The following MAP4K1 variants were observed in gnomAD, a reference collection of about 807,000 sequenced individuals.
MAP4K1 encodes MAPK/ERK kinase kinase kinase 1.
A neutral mutation model predicts 122.8 loss-of-function variants in MAP4K1; 35 were observed. The ratio of observed to expected loss-of-function variants is 0.29; its 90% CI spans 0.22 to 0.38. The LOEUF (loss-of-function observed/expected upper bound fraction) is 0.38, where lower values mean the gene tolerates loss of function less well. MAP4K1 is among the 10% of genes least tolerant of loss of function. The pLI is 1.00. For synonymous variants in MAP4K1, 412 were observed against 421.3 expected (o/e 0.98, Z 0.27); for missense variants, 791 against 1,072.6 (o/e 0.74, Z 3.67).
chr19:38,589,828 C>T (rs1974651437), intron 30 of MAP4K1, among the ~76,000 whole-genome samples: 1 of 152,100 alleles, frequency 6.6e-6, no homozygotes, highest in South Asian at 2.1e-4. Context: ...CCAGGAGTTC[C>T]AGACCAGGCT....
At chr19:38,599,518 C>G (rs986708476) in intron 22 of MAP4K1, among the ~76,000 whole-genome samples, 5 of 151,800 alleles carry the variant, frequency 3.3e-5, no homozygotes, top group African/African-American at 1.2e-4. Context: ...AAAATTTAGC[C>G]AGGTGTGGTG....
chr19:38,606,245 G>A (rs1289337571), intron 16 of MAP4K1, 30 bp from the exon 17 acceptor site: 2 of 1,251,162 alleles, frequency 1.6e-6, no homozygotes, highest in East Asian at 4.8e-5. Flanking sequence ...TAAATAGCTG[G>A]GGGGCTGGGG....
At position 38,605,636 on chromosome 19, in the gene MAP4K1, G is replaced by A; in HGVS notation, c.1295C>T (p.Pro432Leu). The stretch of plus-strand genomic sequence containing the variant: ...CCCAGGACGGGGGCTGTTTGGTGGG[G>A]GCCCACTGGCACACCGGACCAGCAC... ...PGVLVRCASG[P>L]PPNSPRPGPP... The change falls in exon 18 of 31, where the codon CCC becomes CTC. Residue 432 changes from proline to leucine, a missense_variant. Physicochemically the swap from Pro to Leu is moderately conservative, Grantham distance 98. Coordinates refer to ENST00000396857, the MANE Select transcript of MAP4K1 (RefSeq NM_001042600.3). 1 of 1,595,388 alleles carries A rather than the reference G, an allele frequency of 6.3e-7. No homozygotes were observed. The highest frequency in any genetic ancestry group is 8.5e-7 in the Non-Finnish European group (1 of 1,172,822).
intron 30 of MAP4K1, among the ~76,000 whole-genome samples, chr19:38,588,340 G>T (rs1021936177): frequency 2.6e-5 from 4 of 152,130 alleles, no homozygotes; most frequent in African/African-American, 7.2e-5. Context: ...AAAGGACACA[G>T]GGGCTACTTA....
At chr19:38,595,288 T>TTAAA (rs1052404172) in intron 29 of MAP4K1, among the ~76,000 whole-genome samples, 197 bp downstream of exon 29, 14 of 152,094 alleles carry the variant, frequency 9.2e-5, no homozygotes, top group Non-Finnish European at 1.3e-4. Flanking sequence ...AAACTCCGTC[T>TTAAA]TAAATAAATA....
intron 17 of MAP4K1, among the ~76,000 whole-genome samples, 181 bp from the exon 18 acceptor site, chr19:38,605,911 A>C (rs1017718855): frequency 6.7e-6 from 1 of 148,154 alleles, no homozygotes; most frequent in African/African-American, 2.5e-5. Flanking sequence ...ACATCAACAC[A>C]CTTCAGAAAC....
In MAP4K1 at chr19:38,614,299, A is replaced by G; in HGVS notation, c.370-7T>C. 6.2e-7 allele frequency: 1 copy of G among 1,613,692 alleles called. No homozygotes were observed. Among genetic ancestry groups the G allele is most frequent in the Non-Finnish European group, 8.5e-7 (1 of 1,179,926 alleles). ...AGTGCAAATAGGCCAGTCCCTGGGGAGAAGGGTGGACAAGGGGACAGTGAG... is the reference window on the plus strand; with the variant it reads ...AGTGCAAATAGGCCAGTCCCTGGGGGGAAGGGTGGACAAGGGGACAGTGAG... On this transcript the variant is annotated splice_polypyrimidine_tract_variant and splice_region_variant and intron_variant, in intron 5 of 30. Coordinates refer to ENST00000396857, the MANE Select transcript of MAP4K1 (RefSeq NM_001042600.3).
intron 20 of MAP4K1, 36 bp from the exon 21 acceptor site, chr19:38,600,189 A>G (rs1200040639): frequency 1.3e-6 from 2 of 1,584,258 alleles, no homozygotes; most frequent in Non-Finnish European, 1.7e-6. Context: ...GACCGACTTC[A>G]TCCTCAGGGA....
At position 38,606,094 on chromosome 19, in the gene MAP4K1, C is replaced by T. The variant is rs542438791; in HGVS notation, c.1200+79G>A. 7 of 1,154,010 alleles carry T rather than the reference C, an allele frequency of 6.1e-6. No individual in the cohort carries two copies. The East Asian group carries it at 1.2e-4, about 20-fold the overall frequency. 71.5% of individuals were successfully genotyped at this position (1,154,010 alleles called of 1,614,324 possible). A position where few individuals can be genotyped will look rare whatever the true frequency, so the allele number is the denominator to read the frequency against. On this transcript the variant is annotated intron_variant, in intron 17 of 30. Transcript: ENST00000396857. The stretch of plus-strand genomic sequence containing the variant: ...TTCCCTGCCCTGGAGAGCCCAGTAT[C>T]CCAGCATCTAAGGACCTGGCCTCCT...
At chr19:38,608,752 A>G (rs1410766144) in intron 13 of MAP4K1, among the ~76,000 whole-genome samples, 4 of 143,544 alleles carry the variant, frequency 2.8e-5, no homozygotes, top group Non-Finnish European at 6.0e-5. Flanking sequence ...GTGAGCCAAG[A>G]TCGCACCATC....
intron 21 of MAP4K1, 34 bp downstream of exon 21, chr19:38,600,043 C>T (rs756930774): frequency 6.2e-7 from 1 of 1,614,098 alleles, no homozygotes; most frequent in East Asian, 2.2e-5. Context: ...GACTCCGGCC[C>T]TTGCCCTTGC....
At chr19:38,590,385 AAAAAAAAAAATAT>A (rs1974672684) in intron 30 of MAP4K1, among the ~76,000 whole-genome samples, 1 of 78,398 alleles carries the variant, frequency 1.3e-5, no homozygotes, top group Non-Finnish European at 2.2e-5. Context: ...AAAAAAAAAA[AAAAAAAAAAATAT>A]ATATATATAT....
At chr19:38,610,834 G>A (rs1375213024) in intron 11 of MAP4K1, among the ~76,000 whole-genome samples, 2 of 152,094 alleles carry the variant, frequency 1.3e-5, no homozygotes, top group Non-Finnish European at 2.9e-5. Flanking sequence ...AGTCCTTTGG[G>A]AATTTGTCAG....
At chr19:38,612,021 C>G (rs1975512129) in intron 9 of MAP4K1, among the ~76,000 whole-genome samples, 1 of 151,962 alleles carries the variant, frequency 6.6e-6, no homozygotes, top group Non-Finnish European at 1.5e-5. Flanking sequence ...TCACTTGAAC[C>G]CTGGAGGCAG....
At chr19:38,616,591 C>T (rs118141666) in intron 3 of MAP4K1, among the ~76,000 whole-genome samples, 3,168 of 152,168 alleles carry the variant, frequency 0.021, 52 homozygotes, top group Middle Eastern at 0.041. Flanking sequence ...CAGAGGGGCC[C>T]AGGGCACCTG....
At position 38,599,915 on chromosome 19, in the gene MAP4K1, A is replaced by G; in HGVS notation, c.1669+10T>C. ...TCCGACCCCATCCCACCTGCTACCC[A>G]CAGCCAGACCTGAGAGAGACATGAG... On this transcript the variant is annotated intron_variant, in intron 22 of 30. Transcript: ENST00000396857. 2 of 1,613,684 alleles carry G rather than the reference A, an allele frequency of 1.2e-6. No homozygotes were observed. The highest frequency in any genetic ancestry group is 1.7e-6 in the Non-Finnish European group (2 of 1,179,850).
At position 38,597,252 on chromosome 19, in the gene MAP4K1, G is replaced by A. The variant is rs1408254974; in HGVS notation, c.1837+74C>T. ...TTGCCTTAACTCTGTAACCTTCTCA[G>A]GTGGATGCAGTTCAAGCCCCTCCTC... On this transcript the variant is annotated intron_variant, in intron 24 of 30. Coordinates refer to ENST00000396857, the MANE Select transcript of MAP4K1 (RefSeq NM_001042600.3). This position sits in a 1 kb window ranked among gnomAD's most constrained non-coding sequence, Gnocchi z 4.6. 8.1e-6 allele frequency: 13 copies of A among 1,601,746 alleles called. No homozygotes were observed. Among genetic ancestry groups the A allele is most frequent in the Non-Finnish European group, 1.1e-5 (13 of 1,169,734 alleles).
chr19:38,614,617 A>C, intron 4 of MAP4K1, 172 bp from the exon 5 acceptor site: 1 of 690,786 alleles, frequency 1.4e-6, no homozygotes, highest in Non-Finnish European at 2.5e-6. Flanking sequence ...AGAGGCAGCA[A>C]TGCAAATAAA....
intron 9 of MAP4K1, among the ~76,000 whole-genome samples, chr19:38,611,513 T>G (rs74888415): frequency 0.033 from 4,973 of 152,192 alleles, 113 homozygotes; most frequent in Admixed American, 0.063. Flanking sequence ...CCAGGTGTGG[T>G]GGTTCACGCC....
Sources: gnomAD v4.1 joint callset for allele counts (sites outside exome capture counted in the v4.1 genomes callset) on GRCh38, gnomAD v4.1.1 for gene constraint, Gnocchi (gnomAD v3.1) non-coding constraint, MANE v1.5 for transcripts, NCBI Gene and HGNC (gene_info 2026-07-23, HGNC 2026-07-21) for gene names.